The following CUBN variants were observed in gnomAD, a reference collection of about 807,000 sequenced individuals.
CUBN encodes 460 kDa receptor.
A neutral mutation model predicts 405.3 loss-of-function variants in CUBN; 282 were observed. The ratio of observed to expected loss-of-function variants is 0.70; its 90% CI spans 0.63 to 0.77. CUBN has a LOEUF of 0.77. CUBN is among the 30% of genes least tolerant of loss of function. The pLI, the probability that CUBN is intolerant of heterozygous loss-of-function variation, is 0.00. For missense variants in CUBN, 4,514 were observed against 4,475.2 expected, an observed-to-expected ratio of 1.01 and a Z score of -0.25; for synonymous variants, 1,684 against 1,617.0, an observed-to-expected ratio of 1.04 and a Z score of -0.99.
chr10:16,920,073 G>A lies in CUBN; in HGVS notation c.6711C>T (p.His2237=), dbSNP rs768537986. The change falls in exon 44 of 67, where the codon CAC becomes CAT. Residue 2237 remains histidine, a synonymous_variant. Transcript: ENST00000377833. ...DSAGYVTSPN[H]PHNYPPHADC... ...CAGCGTGCGGGGGATAATTATGAGG[G>A]TGGTTGGGGGAGGTCACATACCCAG... 6.2e-7 allele frequency: 1 copy of A among 1,614,054 alleles called. No homozygotes were observed.
intron 27 of CUBN, among the ~76,000 whole-genome samples, chr10:17,037,525 C>A (rs1302679200): frequency 6.6e-6 from 1 of 152,202 alleles, no homozygotes; most frequent in African/African-American, 2.4e-5. Context: ...GCATAGACCA[C>A]CAGAAATATA....
chr10:17,119,625 A>T (rs2015737), intron 6 of CUBN, among the ~76,000 whole-genome samples: 91,865 of 151,872 alleles, frequency 0.6, 29,044 homozygotes, highest in Non-Finnish European at 0.71. Context: ...AGCCTGGGTG[A>T]CAAGAGCAAG....
intron 28 of CUBN, among the ~76,000 whole-genome samples, chr10:17,011,776 G>A (rs972245367): frequency 2.6e-5 from 4 of 152,158 alleles, no homozygotes; most frequent in Non-Finnish European, 4.4e-5. Flanking sequence ...GACACAGAGC[G>A]CAGATTGGTG....
intron 20 of CUBN, 32 bp downstream of exon 20, chr10:17,068,573 A>T: frequency 6.4e-7 from 1 of 1,555,324 alleles, no homozygotes; most frequent in Non-Finnish European, 8.9e-7. Context: ...CAAGCCCAAG[A>T]GGAGGAAAAA....
At position 16,967,537 on chromosome 10, in the gene CUBN, G is replaced by A. The variant is rs913737045; in HGVS notation, c.4696-12989C>T. On this transcript the variant is annotated intron_variant, in intron 31 of 66. Transcript: ENST00000377833. ...GCATTTGGTTGTTAATAAGACACCC[G>A]CACCAGGAAGCAAAGTAGCTAAGCA... Among the ~76,000 whole-genome samples the A allele has an allele frequency of 5.9e-5, 9 of 152,238 alleles. No individual in the cohort carries two copies. The South Asian group carries it at 1.0e-3, about 18-fold the overall frequency.
At chr10:16,939,680 G>C (rs1232372772) in intron 37 of CUBN, among the ~76,000 whole-genome samples, 3 of 152,100 alleles carry the variant, frequency 2.0e-5, no homozygotes, top group African/African-American at 7.2e-5. Flanking sequence ...TGTGAAGAAC[G>C]TAGAGTTTAT....
intron 59 of CUBN, among the ~76,000 whole-genome samples, chr10:16,858,307 T>A (rs1277037972): frequency 6.6e-6 from 1 of 152,130 alleles, no homozygotes; most frequent in African/African-American, 2.4e-5. Flanking sequence ...AAAGCTTAAC[T>A]TATTTTTATT....
Position 17,103,200 on chromosome 10 carries a change from G to T in CUBN, c.1455C>A (p.Phe485Leu). Residue 485 changes from phenylalanine (F) to leucine (L), a missense_variant, in exon 13 of 67, where the codon TTC becomes TTA. By Grantham distance (22) the Phe-to-Leu change is conservative. This residue lies in a region of CUBN where 1,448 missense variants were observed against 1,388.0 expected (regional missense o/e 1.04). Coordinates refer to ENST00000377833, the MANE Select transcript of CUBN (RefSeq NM_001081.4). Reference sequence around the variant, plus strand: ...AACCAACATCCGGGCTCCTGTAGCTGAAGCTTCCATTTATTCCTGAGAGGG... The same window carrying T: ...AACCAACATCCGGGCTCCTGTAGCTTAAGCTTCCATTTATTCCTGAGAGGG... ...GESLSGINGS[F>L]SYRSPDVGYV... 6.2e-7 allele frequency: 1 copy of T among 1,613,710 alleles called. No individual in the cohort carries two copies. The highest frequency in any genetic ancestry group is 8.5e-7 in the Non-Finnish European group (1 of 1,179,710).
chr10:17,047,296 T>C lies in CUBN; in HGVS notation c.3329+118A>G, dbSNP rs181288167. 4.8e-5 allele frequency: 37 copies of C among 772,424 alleles called. No individual in the cohort carries two copies. The African/African-American group carries it at 4.9e-4, about 10-fold the overall frequency. 47.8% of individuals were successfully genotyped at this position (772,424 alleles called of 1,614,324 possible). On this transcript the variant is annotated intron_variant, in intron 23 of 66. Coordinates refer to ENST00000377833, the MANE Select transcript of CUBN (RefSeq NM_001081.4). ...ACAAACTTTATTTCTTGCAAGAAAGTGCACAGCAGGGAGCTTTGCAGAGAA... is the reference window on the plus strand; with the variant it reads ...ACAAACTTTATTTCTTGCAAGAAAGCGCACAGCAGGGAGCTTTGCAGAGAA...
At chr10:16,987,497 A>C (rs927532517) in intron 29 of CUBN, among the ~76,000 whole-genome samples, 7 of 152,158 alleles carry the variant, frequency 4.6e-5, no homozygotes, top group Admixed American at 4.6e-4. Flanking sequence ...CGGGGTTATG[A>C]GTAACCAAAC....
At chr10:16,965,668 A>G (rs1457877084) in intron 31 of CUBN, 1 of 151,926 alleles carries the variant, frequency 6.6e-6, no homozygotes, top group Non-Finnish European at 1.5e-5. Context: ...TATCTTGTTT[A>G]CTAAGTTTCA....
chr10:16,838,580 T>G (rs192139313), intron 62 of CUBN, among the ~76,000 whole-genome samples: 6 of 152,242 alleles, frequency 3.9e-5, no homozygotes, highest in African/African-American at 1.4e-4. Flanking sequence ...TGTGTCCAAC[T>G]GTCTCCTCAA....
intron 64 of CUBN, among the ~76,000 whole-genome samples, chr10:16,831,915 C>T (rs777324450): frequency 1.3e-5 from 2 of 152,142 alleles, no homozygotes; most frequent in Admixed American, 6.5e-5. Flanking sequence ...TGAAAAAATA[C>T]AATGCAAAGT....
chr10:17,104,999 T>G (rs1836590519), intron 11 of CUBN, among the ~76,000 whole-genome samples: 1 of 151,516 alleles, frequency 6.6e-6, no homozygotes, highest in African/African-American at 2.4e-5. Context: ...AGACAGTGTT[T>G]CACCATGTCG....
rs1457910950 is a variant in CUBN, at chr10:16,901,913, A to G, written c.8063-454T>C. On this transcript the variant is annotated intron_variant, in intron 51 of 66. Transcript: ENST00000377833. ...AGTATATATATATATATATATATAT[A>G]TATATACACACACACACACACACCA... Among the ~76,000 whole-genome samples, 3 of 130,670 alleles carry G rather than the reference A, an allele frequency of 2.3e-5. No homozygotes were observed. The Admixed American group carries it at 2.4e-4, about 10-fold the overall frequency. 85.7% of individuals were successfully genotyped at this position (130,670 alleles called of 152,430 possible).
chr10:16,967,518 G>A (rs1564452262), intron 31 of CUBN, among the ~76,000 whole-genome samples: 2 of 152,166 alleles, frequency 1.3e-5, no homozygotes, highest in African/African-American at 4.8e-5. Context: ...CTCAGCATTT[G>A]GTTGTTAATA....
At chr10:17,013,613 A>C (rs12415652) in intron 28 of CUBN, among the ~76,000 whole-genome samples, 1 of 151,922 alleles carries the variant, frequency 6.6e-6, no homozygotes, top group Admixed American at 6.6e-5. Flanking sequence ...TTAATAGGGG[A>C]TCCCCCAGAG....
At chr10:16,920,935 C>G (rs1045200883) in intron 43 of CUBN, among the ~76,000 whole-genome samples, 1 of 152,136 alleles carries the variant, frequency 6.6e-6, no homozygotes, top group Non-Finnish European at 1.5e-5. Flanking sequence ...ACTTCCAACT[C>G]CCCCATCTCT....
chr10:17,090,691 TATC>T (rs1429503908), intron 14 of CUBN, among the ~76,000 whole-genome samples: 1 of 152,022 alleles, frequency 6.6e-6, no homozygotes, highest in Non-Finnish European at 1.5e-5. Context: ...GGTTTCCAGT[TATC>T]ATACCATTAG....
Sources: gnomAD v4.1 joint callset for allele counts (sites outside exome capture counted in the v4.1 genomes callset) on GRCh38, gnomAD v4.1.1 for gene constraint, gnomAD v4.1.1 regional missense constraint, MANE v1.5 for transcripts, NCBI Gene and HGNC (gene_info 2026-07-23, HGNC 2026-07-21) for gene names.